The following DHTKD1 variants were observed in gnomAD, a reference collection of about 807,000 sequenced individuals.
DHTKD1 encodes the protein dehydrogenase E1 and transketolase domain containing 1, also known as 2-oxoadipate dehydrogenase complex component E1.
A neutral mutation model predicts 101.8 loss-of-function variants in DHTKD1; 78 were observed. That is an observed-to-expected ratio of 0.77 (90% confidence interval 0.64 to 0.93). The LOEUF is 0.93. Among genes scored for constraint, DHTKD1 ranks in the 40% least tolerant of loss-of-function variants. DHTKD1 has a pLI of 0.00. For missense variants in DHTKD1, 1,223 were observed against 1,161.7 expected, an observed-to-expected ratio of 1.05 and a Z score of -0.77; for synonymous variants, 462 against 450.3, an observed-to-expected ratio of 1.03 and a Z score of -0.33.
At chr10:12,076,799 C>T (rs1200825579) in intron 1 of DHTKD1, among the ~76,000 whole-genome samples, 2 of 151,856 alleles carry the variant, frequency 1.3e-5, no homozygotes, top group Non-Finnish European at 2.9e-5. Context: ...GCTGGGACTA[C>T]AGGTGCCCGC....
chr10:12,070,737 C>A (rs1041863149), intron 1 of DHTKD1, among the ~76,000 whole-genome samples: 2 of 152,190 alleles, frequency 1.3e-5, no homozygotes, highest in Non-Finnish European at 2.9e-5. Context: ...GATCCACTGG[C>A]CTTGGCCTCC....
intron 2 of DHTKD1, among the ~76,000 whole-genome samples, chr10:12,081,841 A>G (rs919639538): frequency 1.3e-5 from 2 of 151,880 alleles, no homozygotes; most frequent in Non-Finnish European, 2.9e-5. Context: ...AAAACATTTA[A>G]TTGGCTGGGC....
intron 1 of DHTKD1, among the ~76,000 whole-genome samples, chr10:12,074,069 A>G (rs1832688079): frequency 6.6e-6 from 1 of 152,202 alleles, no homozygotes; most frequent in Non-Finnish European, 1.5e-5. Context: ...TTTTGCAGAT[A>G]TTATGAACAG....
chr10:12,078,014 C>G (rs962963190), intron 1 of DHTKD1, among the ~76,000 whole-genome samples: 3 of 151,952 alleles, frequency 2.0e-5, no homozygotes, highest in South Asian at 2.1e-4. Context: ...CCTCTTTCTG[C>G]TGGTGCCAAA....
intron 1 of DHTKD1, among the ~76,000 whole-genome samples, chr10:12,069,591 C>T (rs1832621786): frequency 7.3e-6 from 1 of 136,400 alleles, no homozygotes. Context: ...GCTGCGACCA[C>T]AGCTCCCTGC....
chr10:12,117,452 A>G (rs1279678530), intron 13 of DHTKD1, among the ~76,000 whole-genome samples: 1 of 151,874 alleles, frequency 6.6e-6, no homozygotes, highest in Non-Finnish European at 1.5e-5. Context: ...CCAAAGTGTT[A>G]AGATTCCAAA....
intron 8 of DHTKD1, among the ~76,000 whole-genome samples, chr10:12,099,612 A>G (rs752258003): frequency 1.3e-4 from 19 of 151,934 alleles, no homozygotes; most frequent in Non-Finnish European, 2.6e-4. Flanking sequence ...CACTTGAACC[A>G]GGGAGGCTGA....
At chr10:12,092,029 C>T (rs1255122307) in intron 6 of DHTKD1, among the ~76,000 whole-genome samples, 1 of 149,006 alleles carries the variant, frequency 6.7e-6, no homozygotes, top group Non-Finnish European at 1.5e-5. Context: ...CCAGCTTGTA[C>T]TCCATGCTGG....
At chr10:12,111,510 G>T (rs1041036842) in intron 12 of DHTKD1, among the ~76,000 whole-genome samples, 1 of 152,198 alleles carries the variant, frequency 6.6e-6, no homozygotes, top group Non-Finnish European at 1.5e-5. Flanking sequence ...TTTGGTGATA[G>T]GCATGATCCA....
intron 8 of DHTKD1, among the ~76,000 whole-genome samples, 174 bp downstream of exon 8, chr10:12,098,170 A>C (rs1283417353): frequency 6.6e-6 from 1 of 152,032 alleles, no homozygotes; most frequent in East Asian, 1.9e-4. Context: ...GTTACCTCAG[A>C]TTTTCTCTTC....
intron 1 of DHTKD1, among the ~76,000 whole-genome samples, chr10:12,081,239 A>G (rs1445908522): frequency 2.3e-5 from 3 of 128,494 alleles, no homozygotes; most frequent in African/African-American, 9.2e-5. Context: ...GTGCCACTGC[A>G]CTCCAGCCTG....
In DHTKD1 at chr10:12,076,078, A is replaced by G. The variant is rs553105660; in HGVS notation, c.155-5394A>G. Among the ~76,000 whole-genome samples the G allele has an allele frequency of 8.9e-4, 135 of 151,116 alleles. 1 individual carries two copies. Among genetic ancestry groups the G allele is most frequent in the South Asian group, 1.9e-3 (9 of 4,756 alleles). On this transcript the variant is annotated intron_variant, in intron 1 of 16. Coordinates refer to ENST00000263035, the MANE Select transcript of DHTKD1 (RefSeq NM_018706.7). ...AAATAGAACTGATTCTTATAAGCAC[A>G]AAGTCAACTGATGAGAGCAGTGCTG...
intron 1 of DHTKD1, among the ~76,000 whole-genome samples, chr10:12,076,975 TAAAAAAAA>T (rs61096299): frequency 4.9e-5 from 3 of 61,838 alleles, no homozygotes; most frequent in Non-Finnish European, 7.3e-5. Flanking sequence ...CTGTTTCTGA[TAAAAAAAA>T]AAAAAAAAAA....
At position 12,120,989 on chromosome 10, in the gene DHTKD1, G is replaced by A. The variant is rs550769381; in HGVS notation, c.*101G>A. The A allele has an allele frequency of 2.9e-6, 3 of 1,039,474 alleles. No homozygotes were observed. The highest frequency in any genetic ancestry group is 4.3e-6 in the Non-Finnish European group (3 of 704,168). The allele number at this position is 1,039,474 out of a possible 1,614,324, so 64.4% of individuals were successfully genotyped here. A position where few individuals can be genotyped will look rare whatever the true frequency, so the allele number is the denominator to read the frequency against. ...AATCCCAGCACTTTGGGAGGCCAAGGCTGGTGGATCACCTGAGGTCAGGAG... is the reference window on the plus strand; with the variant it reads ...AATCCCAGCACTTTGGGAGGCCAAGACTGGTGGATCACCTGAGGTCAGGAG... On this transcript the variant is annotated 3_prime_UTR_variant, in exon 17 of 17. Coordinates refer to ENST00000263035, the MANE Select transcript of DHTKD1 (RefSeq NM_018706.7).
At position 12,069,072 on chromosome 10, in the gene DHTKD1, C is replaced by T; in HGVS notation, c.39C>T (p.Leu13=). ...CTGCGGCAGCAGCACGACGGGGCCT[C>T]GGCCGGGCTCTCCCTCTCTTCTGGC... The part of the protein sequence containing the change: ...SATAAAARRG[L]GRALPLFWRG... Residue 13 remains leucine (L), a synonymous_variant, in exon 1 of 17, where the codon CTC becomes CTT. Transcript: ENST00000263035. 6.2e-7 allele frequency: 1 copy of T among 1,613,002 alleles called. No individual in the cohort carries two copies. The highest frequency in any genetic ancestry group is 8.5e-7 in the Non-Finnish European group (1 of 1,179,634).
In DHTKD1 at chr10:12,076,873, G is replaced by A. The variant is rs1832739634; in HGVS notation, c.155-4599G>A. On this transcript the variant is annotated intron_variant, in intron 1 of 16. Transcript: ENST00000263035. Reference sequence around the variant, plus strand: ...CGGTTTCACCGTGTTAGCCAAGATAGTCTCGATCTCCTGACCTTGTGATCC... The same window carrying A: ...CGGTTTCACCGTGTTAGCCAAGATAATCTCGATCTCCTGACCTTGTGATCC... 1.3e-5 allele frequency among the ~76,000 whole-genome samples: 2 copies of A among 149,034 alleles called. 1 individual carries two copies. The highest frequency in any genetic ancestry group is 4.2e-4 in the South Asian group (2 of 4,740).
At chr10:12,095,676 G>A (rs1400785469) in intron 7 of DHTKD1, among the ~76,000 whole-genome samples, 2 of 151,842 alleles carry the variant, frequency 1.3e-5, no homozygotes, top group Non-Finnish European at 2.9e-5. Flanking sequence ...AGCCGGGCGT[G>A]GTGGCGGGCG....
intron 2 of DHTKD1, among the ~76,000 whole-genome samples, chr10:12,083,404 T>A (rs1004297304): frequency 6.6e-6 from 1 of 152,166 alleles, no homozygotes; most frequent in Non-Finnish European, 1.5e-5. Flanking sequence ...ATGCAGCCTG[T>A]GGGCTGTGGG....
rs745983700 is a variant in DHTKD1 at position 12,120,799 on chromosome 10, G to T, written c.2671G>T (p.Gly891Cys). The T allele has an allele frequency of 6.2e-7, 1 of 1,614,074 alleles. No homozygotes were observed. Among genetic ancestry groups the T allele is most frequent in the Non-Finnish European group, 8.5e-7 (1 of 1,179,964 alleles). The change falls in exon 17 of 17, where the codon GGC becomes TGC. Residue 891 changes from glycine to cysteine, a missense_variant. Gly to Cys is a radical substitution (Grantham distance 159). Transcript: ENST00000263035. ...GCTGCACTTATAGCTCCGTCTGGTG[G>T]GCCGGCCCCCTTTGCCAGTACCCGC... ...KQLACKLRLV[G>C]RPPLPVPAVG...
Sources: allele counts gnomAD v4.1 joint callset (sites outside exome capture counted in the v4.1 genomes callset), GRCh38; gene constraint gnomAD v4.1.1; transcripts MANE v1.5; gene names NCBI Gene and HGNC (gene_info 2026-07-23, HGNC 2026-07-21).